MFSD11: variants seen among roughly 807,000 people sequenced by gnomAD.
MFSD11 encodes the protein UNC93-like protein MFSD11.
A neutral mutation model predicts 53.5 loss-of-function variants in MFSD11; 36 were observed. The observed-to-expected ratio is 0.67, with a 90% CI of 0.52 to 0.89. The LOEUF is 0.89. MFSD11 is among the 40% of genes least tolerant of loss of function. The probability of loss-of-function intolerance (pLI) is 0.00; values close to 1 mark genes in which losing one functional copy is unlikely to be tolerated. For missense variants in MFSD11, 530 were observed against 543.9 expected, an observed-to-expected ratio of 0.97 and a Z score of 0.25; for synonymous variants, 186 against 184.9, an observed-to-expected ratio of 1.01 and a Z score of -0.05.
chr17:76,745,812 C>CTTACTTAT (rs1555661897), intron 7 of MFSD11, among the ~76,000 whole-genome samples: 1 of 148,896 alleles, frequency 6.7e-6, no homozygotes, highest in African/African-American at 2.5e-5. Flanking sequence ...TTATTATTTA[C>CTTACTTAT]TTATTTATTT....
chr17:76,757,936 A>C (rs970879813), intron 8 of MFSD11, among the ~76,000 whole-genome samples: 1 of 151,962 alleles, frequency 6.6e-6, no homozygotes, highest in South Asian at 2.1e-4. Context: ...CTTGAACCCA[A>C]GAGGCGGAGG....
intron 3 of MFSD11, among the ~76,000 whole-genome samples, chr17:76,741,346 C>A (rs1201320131): frequency 6.6e-6 from 1 of 152,092 alleles, no homozygotes; most frequent in East Asian, 1.9e-4. Context: ...TGTCAATTGA[C>A]TGAAAATATG....
At chr17:76,762,377 C>G (rs1390509049) in intron 8 of MFSD11, among the ~76,000 whole-genome samples, 1 of 152,200 alleles carries the variant, frequency 6.6e-6, no homozygotes, top group Admixed American at 6.6e-5. Flanking sequence ...AGTACACTGA[C>G]ACACAGATAT....
intron 7 of MFSD11, among the ~76,000 whole-genome samples, chr17:76,751,441 C>T (rs753178010): frequency 6.6e-6 from 1 of 151,790 alleles, no homozygotes; most frequent in African/African-American, 2.4e-5. Flanking sequence ...CACCTGTAAT[C>T]CCAACACTTT....
chr17:76,798,168 C>T, the MFSD11 span, among the ~76,000 whole-genome samples: 140 of 152,150 alleles, frequency 9.2e-4, no homozygotes, highest in African/African-American at 2.8e-3. Flanking sequence ...GATTACACGT[C>T]GGAGCCACCA....
chr17:76,797,245 T>C, the MFSD11 span, among the ~76,000 whole-genome samples: 3 of 152,128 alleles, frequency 2.0e-5, no homozygotes, highest in Non-Finnish European at 4.4e-5. Flanking sequence ...AGAGTAGCCC[T>C]GAGGACTGTT....
At chr17:76,794,131 A>G in the MFSD11 span, among the ~76,000 whole-genome samples, 6 of 151,500 alleles carry the variant, frequency 4.0e-5, 1 homozygote, top group South Asian at 2.1e-4. Context: ...AAGCCACTCA[A>G]TGTGATAATT....
the MFSD11 span, among the ~76,000 whole-genome samples, chr17:76,796,808 T>C: frequency 4.9e-5 from 1 of 20,258 alleles, no homozygotes; most frequent in African/African-American, 2.0e-4. Context: ...CTACTAAAAA[T>C]ACCAAAAAAA....
chr17:76,736,791 C>T (rs780851745), upstream of MFSD11: 28 of 1,539,342 alleles, frequency 1.8e-5, no homozygotes, highest in African/African-American at 2.2e-4. Context: ...CCCCTCAGCC[C>T]CGTTTACCTG....
the MFSD11 span, among the ~76,000 whole-genome samples, chr17:76,802,321 G>A: frequency 6.6e-6 from 1 of 152,044 alleles, no homozygotes; most frequent in African/African-American, 2.4e-5. Flanking sequence ...ATAATAACAA[G>A]TATTGATGAA....
At chr17:76,786,317 G>A (rs2082273461), downstream of MFSD11, among the ~76,000 whole-genome samples, 1 of 151,736 alleles carries the variant, frequency 6.6e-6, no homozygotes, top group East Asian at 2.0e-4. Context: ...GCTAATTTTT[G>A]TATTTTTAGT....
At chr17:76,761,719 A>C (rs1437621739) in intron 8 of MFSD11, among the ~76,000 whole-genome samples, 1 of 150,262 alleles carries the variant, frequency 6.7e-6, no homozygotes, top group African/African-American at 2.5e-5. Flanking sequence ...TCAGGAGATC[A>C]ACACCATCCT....
At chr17:76,782,114 C>CT (rs771986628), downstream of MFSD11, among the ~76,000 whole-genome samples, 32 of 151,520 alleles carry the variant, frequency 2.1e-4, no homozygotes, top group Non-Finnish European at 4.4e-4. Context: ...AGCTACTATG[C>CT]TTTTTTTTCT....
intron 8 of MFSD11, among the ~76,000 whole-genome samples, chr17:76,754,843 C>G (rs1402316321): frequency 6.6e-6 from 1 of 152,124 alleles, no homozygotes; most frequent in African/African-American, 2.4e-5. Context: ...ATGTAATTCT[C>G]ACAATTCTAC....
At chr17:76,750,407 C>T (rs1329045851) in intron 7 of MFSD11, among the ~76,000 whole-genome samples, 4 of 132,944 alleles carry the variant, frequency 3.0e-5, no homozygotes, top group Non-Finnish European at 6.1e-5. Context: ...CTCACTCTGT[C>T]GCCCAGGCTG....
chr17:76,747,638 T>C (rs2078674370), intron 7 of MFSD11, among the ~76,000 whole-genome samples: 3 of 152,092 alleles, frequency 2.0e-5, no homozygotes, highest in Admixed American at 2.0e-4. Context: ...TGGCAAAACA[T>C]TTTGTTTTAA....
chr17:76,754,574 C>T (rs1313349412), intron 8 of MFSD11, among the ~76,000 whole-genome samples: 1 of 151,294 alleles, frequency 6.6e-6, no homozygotes, highest in Non-Finnish European at 1.5e-5. Flanking sequence ...GTCCCAGCTA[C>T]TCAGGAGGCT....
At chr17:76,799,718 A>G in the MFSD11 span, among the ~76,000 whole-genome samples, 2 of 152,012 alleles carry the variant, frequency 1.3e-5, no homozygotes, top group African/African-American at 4.8e-5. Context: ...TGTGTCCCAA[A>G]CATTATTGCA....
Position 76,775,052 on chromosome 17 carries a change from T to A in MFSD11, c.930T>A (p.Val310=). 6.2e-7 allele frequency: 1 copy of A among 1,614,128 alleles called. No homozygotes were observed. ...ACAATCGTTTTGGTAGAAATCCAGT[T>A]GTGCTGTTGGGCATCCTGGTGCACT... The part of the protein sequence containing the change: ...SKNNRFGRNP[V]VLLGILVHFI... Residue 310 remains valine (V), a synonymous_variant, in exon 11 of 13, where the codon GTT becomes GTA. Coordinates refer to ENST00000685175, the MANE Select transcript of MFSD11 (RefSeq NM_001242532.5).
Sources: allele counts gnomAD v4.1 joint callset (sites outside exome capture counted in the v4.1 genomes callset), GRCh38; gene constraint gnomAD v4.1.1; transcripts MANE v1.5; gene names NCBI Gene and HGNC (gene_info 2026-07-23, HGNC 2026-07-21).